The following FBXO43 variants were observed in gnomAD, a reference collection of about 807,000 sequenced individuals.
The protein encoded by FBXO43 is F-box only protein 43.
In FBXO43, 22 loss-of-function variants were observed where a neutral mutation model predicts 56.7. The observed-to-expected ratio is 0.39, with a 90% CI of 0.28 to 0.55. The LOEUF (loss-of-function observed/expected upper bound fraction) is 0.55, where lower values mean the gene tolerates loss of function less well. Among genes scored for constraint, FBXO43 ranks in the 20% least tolerant of loss-of-function variants. The pLI is 0.66. For synonymous variants in FBXO43, 306 were observed against 294.5 expected (o/e 1.04, Z -0.40); for missense variants, 733 against 814.9 (o/e 0.90, Z 1.22).
rs1213587345 is a variant in FBXO43, at chr8:100,144,894, T to C, written c.85+157A>G. On this transcript the variant is annotated intron_variant, in intron 1 of 4. Coordinates refer to ENST00000428847, the MANE Select transcript of FBXO43 (RefSeq NM_001029860.4). ...TTGCAGTGAGCCGAGATCGCGCCAC[T>C]GCACTCCAGCCTGGGCGACAGAGCG... 2 of 790,804 alleles carry C rather than the reference T, an allele frequency of 2.5e-6. 1 individual carries two copies. The highest frequency in any genetic ancestry group is 8.2e-4 in the Middle Eastern group (2 of 2,440). 49.0% of individuals were successfully genotyped at this position (790,804 alleles called of 1,614,324 possible).
chr8:100,150,002 A>G (rs1394389152), upstream of FBXO43, among the ~76,000 whole-genome samples: 2 of 152,200 alleles, frequency 1.3e-5, no homozygotes, highest in South Asian at 2.1e-4. Context: ...GGTGGAATAC[A>G]TAGAACGGAG....
chr8:100,149,576 G>C (rs571084912), upstream of FBXO43, among the ~76,000 whole-genome samples: 3 of 152,294 alleles, frequency 2.0e-5, no homozygotes, highest in Admixed American at 2.0e-4. Context: ...GCGTTTTCCT[G>C]AAGGGTTTTT....
chr8:100,147,759 G>C (rs2132152787), upstream of FBXO43, among the ~76,000 whole-genome samples: 1 of 152,322 alleles, frequency 6.6e-6, no homozygotes, highest in African/African-American at 2.4e-5. Context: ...CATGGGGCAA[G>C]GAGTGAGGGA....
Position 100,141,278 on chromosome 8 carries a change from C to T in FBXO43, c.976G>A (p.Gly326Ser), listed in dbSNP as rs977660372. 2 of 1,614,014 alleles carry T rather than the reference C, an allele frequency of 1.2e-6. No individual in the cohort carries two copies. Among genetic ancestry groups the T allele is most frequent in the African/African-American group, 2.7e-5 (2 of 74,922 alleles). Reference protein sequence around the residue: ...QILSPSPEVRGSISTPEDSGF... With the variant: ...QILSPSPEVRSSISTPEDSGF... ...CTGTCTTCAGGCGTTGAAATACTGCCTCTCACTTCAGGTGAAGGAGAAAGT... is the reference window on the plus strand; with the variant it reads ...CTGTCTTCAGGCGTTGAAATACTGCTTCTCACTTCAGGTGAAGGAGAAAGT... The change falls in exon 2 of 5, where the codon GGC (glycine) becomes AGC (serine). Residue 326 changes from glycine to serine, a missense_variant. By Grantham distance (56) the Gly-to-Ser change is moderately conservative. Transcript: ENST00000428847.
chr8:100,137,411 A>G, intron 3 of FBXO43, 154 bp downstream of exon 3: 1 of 573,542 alleles, frequency 1.7e-6, no homozygotes, highest in South Asian at 2.2e-5. Context: ...GACTGGGTGA[A>G]AATTGAGTTT....
At chr8:100,134,898 A>G (rs1292004191) in intron 3 of FBXO43, among the ~76,000 whole-genome samples, 1 of 152,168 alleles carries the variant, frequency 6.6e-6, no homozygotes, top group Non-Finnish European at 1.5e-5. Flanking sequence ...GGGCCCCAGG[A>G]AGGATGTCTC....
At chr8:100,149,218 A>G (rs1814877871), upstream of FBXO43, among the ~76,000 whole-genome samples, 2 of 152,218 alleles carry the variant, frequency 1.3e-5, no homozygotes, top group South Asian at 4.1e-4. Context: ...ATGACTTGTC[A>G]TTACTTTGCC....
Position 100,142,275 on chromosome 8 carries a change from G to A in FBXO43, c.86-107C>T, listed in dbSNP as rs1373896990. 1.0e-5 allele frequency: 11 copies of A among 1,059,652 alleles called. No individual in the cohort carries two copies. In the Admixed American group the frequency reaches 3.1e-4, roughly 30 times the overall value. The allele number at this position is 1,059,652 out of a possible 1,614,324, so 65.6% of individuals were successfully genotyped here. A position where few individuals can be genotyped will look rare whatever the true frequency, so the allele number is the denominator to read the frequency against. On this transcript the variant is annotated intron_variant, in intron 1 of 4. Coordinates refer to ENST00000428847, the MANE Select transcript of FBXO43 (RefSeq NM_001029860.4). ...TACAGATAATAATGGAAAATTGTATGACAATTTTTGAAAAGTTACTTTAAA... is the reference window on the plus strand; with the variant it reads ...TACAGATAATAATGGAAAATTGTATAACAATTTTTGAAAAGTTACTTTAAA...
intron 2 of FBXO43, 73 bp from the exon 3 acceptor site, chr8:100,137,740 A>C: frequency 2.8e-6 from 3 of 1,070,302 alleles, no homozygotes; most frequent in Non-Finnish European, 4.1e-6. Flanking sequence ...ACGCTAACTA[A>C]TGAGAAAAAT....
chr8:100,143,683 A>G (rs1006567708), intron 1 of FBXO43, among the ~76,000 whole-genome samples: 5 of 152,230 alleles, frequency 3.3e-5, no homozygotes, highest in Non-Finnish European at 1.5e-5. Context: ...ATCTCCACCC[A>G]TGAACTGTTT....
At position 100,140,685 on chromosome 8, in the gene FBXO43, G is replaced by C. The variant is rs201016433; in HGVS notation, c.1569C>G (p.Cys523Trp). 2.9e-5 allele frequency: 46 copies of C among 1,581,016 alleles called. No homozygotes were observed. In the African/African-American group the frequency reaches 5.7e-4, roughly 20 times the overall value. The part of the protein sequence containing the change: ...VLESLTAESL[C>W]SVWKVSRNWR... ...CATAAACAACTCTTACTTCTTACCT[G>C]CATAGGCTCTCTGCGGTCAAGGACT... Residue 523 changes from cysteine (C) to tryptophan (W), a missense_variant and splice_region_variant, in exon 2 of 5, where the codon TGC becomes TGG. Cys to Trp is a radical substitution (Grantham distance 215). Coordinates refer to ENST00000428847, the MANE Select transcript of FBXO43 (RefSeq NM_001029860.4).
At chr8:100,148,166 A>T (rs1814864084), upstream of FBXO43, among the ~76,000 whole-genome samples, 1 of 152,242 alleles carries the variant, frequency 6.6e-6, no homozygotes, top group South Asian at 2.1e-4. Flanking sequence ...AAAACCATTT[A>T]AACATTGCCC....
At chr8:100,147,826 T>C (rs931913083), upstream of FBXO43, among the ~76,000 whole-genome samples, 2 of 152,176 alleles carry the variant, frequency 1.3e-5, no homozygotes, top group African/African-American at 4.8e-5. Flanking sequence ...GTTGTTAAGT[T>C]TGAGGTACCT....
upstream of FBXO43, among the ~76,000 whole-genome samples, chr8:100,146,798 T>A (rs1814838980): frequency 6.6e-6 from 1 of 152,216 alleles, no homozygotes; most frequent in Admixed American, 6.5e-5. Context: ...ACCACTCTTC[T>A]CTGACTGGAC....
chr8:100,140,687 A>G lies in FBXO43; in HGVS notation c.1567T>C (p.Cys523Arg), dbSNP rs764936497. Residue 523 changes from cysteine to arginine, a missense_variant, in exon 2 of 5, where the codon TGC becomes CGC. Cys to Arg is a radical substitution (Grantham distance 180). Transcript: ENST00000428847. ...VLESLTAESL[C>R]SVWKVSRNWR... ...TAAACAACTCTTACTTCTTACCTGC[A>G]TAGGCTCTCTGCGGTCAAGGACTCT... 1 of 1,583,498 alleles carries G rather than the reference A, an allele frequency of 6.3e-7. No homozygotes were observed. The highest frequency in any genetic ancestry group is 1.9e-5 in the Admixed American group (1 of 52,014).
chr8:100,138,201 G>GA (rs1408479649), intron 2 of FBXO43, among the ~76,000 whole-genome samples: 1 of 152,044 alleles, frequency 6.6e-6, no homozygotes, highest in Non-Finnish European at 1.5e-5. Context: ...AGCAGCTAAA[G>GA]AAAAAACACA....
In FBXO43 at chr8:100,133,668, G is replaced by A. The variant is rs1044841510; in HGVS notation, c.*134C>T. 2.3e-5 allele frequency: 23 copies of A among 1,018,572 alleles called. No individual in the cohort carries two copies. Among genetic ancestry groups the A allele is most frequent in the Admixed American group, 5.7e-5 (2 of 34,934 alleles). The allele number at this position is 1,018,572 out of a possible 1,614,324, so 63.1% of individuals were successfully genotyped here. A position where few individuals can be genotyped will look rare whatever the true frequency, so the allele number is the denominator to read the frequency against. On this transcript the variant is annotated 3_prime_UTR_variant, in exon 5 of 5. Coordinates refer to ENST00000428847, the MANE Select transcript of FBXO43 (RefSeq NM_001029860.4). ...TTTAAAGAAAACATACAATGACATC[G>A]ATTATAATATATACAAAATAGGAAA...
chr8:100,145,462 C>G lies in FBXO43; in HGVS notation c.-327G>C. 4.9e-6 allele frequency: 1 copy of G among 203,590 alleles called. No homozygotes were observed. Among genetic ancestry groups the G allele is most frequent in the Admixed American group, 5.9e-5 (1 of 16,838 alleles). The allele number at this position is 203,590 out of a possible 1,614,324, so 12.6% of individuals were successfully genotyped here. On this transcript the variant is annotated 5_prime_UTR_variant, in exon 1 of 5. Coordinates refer to ENST00000428847, the MANE Select transcript of FBXO43 (RefSeq NM_001029860.4). ...CGGGTGGGTAACGGTCTCACCAGGG[C>G]GTCAAAGATCCGCTAGGCCCAGAAA...
In FBXO43 at chr8:100,141,943, A is replaced by C; in HGVS notation, c.311T>G (p.Leu104Arg). 1 of 1,601,250 alleles carries C rather than the reference A, an allele frequency of 6.2e-7. No individual in the cohort carries two copies. The highest frequency in any genetic ancestry group is 8.5e-7 in the Non-Finnish European group (1 of 1,175,350). The change falls in exon 2 of 5, where the codon CTC (leucine) becomes CGC (arginine). Residue 104 changes from leucine to arginine, a missense_variant. Leu to Arg is a moderately radical substitution (Grantham distance 102). Coordinates refer to ENST00000428847, the MANE Select transcript of FBXO43 (RefSeq NM_001029860.4). ...LGKKEKGPTL[L>R]YEHPETSGLG... is the part of the protein sequence containing the mutation. ...GCCTGAAGTTTCAGGGTGCTCATAG[A>C]GTAATGTTGGGCCTTTTTCTTTCTT...
Sources: gnomAD v4.1 joint callset for allele counts (sites outside exome capture counted in the v4.1 genomes callset) on GRCh38, gnomAD v4.1.1 for gene constraint, MANE v1.5 for transcripts, NCBI Gene and HGNC (gene_info 2026-07-23, HGNC 2026-07-21) for gene names.